EXOSC1: variants seen among roughly 807,000 people sequenced by gnomAD.
EXOSC1 encodes the protein exosome complex component CSL4.
In EXOSC1, 27 loss-of-function variants were observed where a neutral mutation model predicts 31.4. That is an observed-to-expected ratio of 0.86 (90% CI 0.63 to 1.18). The LOEUF is 1.18. Among genes scored for constraint, EXOSC1 ranks in the 50% most tolerant of loss-of-function variants. The probability of loss-of-function intolerance (pLI) is 0.00; values close to 1 mark genes in which losing one functional copy is unlikely to be tolerated. For synonymous variants in EXOSC1, 84 were observed against 89.5 expected (o/e 0.94, Z 0.35); for missense variants, 228 against 250.3 (o/e 0.91, Z 0.60).
At position 97,441,441 on chromosome 10, in the gene EXOSC1, T is replaced by G. The variant is rs569450751; in HGVS notation, c.223-182A>C. On this transcript the variant is annotated intron_variant, in intron 3 of 7. Coordinates refer to ENST00000370902, the MANE Select transcript of EXOSC1 (RefSeq NM_016046.5). ...ACATGTAAAGAGGAATAAGAGCCAC[T>G]CTGGCCACCTGGTAGAGTTACTATG... Among the ~76,000 whole-genome samples, 15 of 151,732 alleles carry G rather than the reference T, an allele frequency of 9.9e-5. No homozygotes were observed. The South Asian group carries it at 2.3e-3, about 23-fold the overall frequency.
chr10:97,444,656 G>C (rs1845842886), intron 2 of EXOSC1: 3 of 152,210 alleles, frequency 2.0e-5, no homozygotes, highest in Admixed American at 2.0e-4. Flanking sequence ...AAATACTCAA[G>C]TGATATCTAT....
intron 3 of EXOSC1, 124 bp downstream of exon 3, chr10:97,443,113 C>T (rs985596673): frequency 1.5e-5 from 12 of 817,436 alleles, no homozygotes; most frequent in Non-Finnish European, 2.2e-5. Context: ...GTGTGAGCCA[C>T]TGTGCCCTGC....
At position 97,438,723 on chromosome 10, in the gene EXOSC1, A is replaced by G. The variant is rs1017998452; in HGVS notation, c.312-20T>C. 4 of 1,559,898 alleles carry G rather than the reference A, an allele frequency of 2.6e-6. No homozygotes were observed. Among genetic ancestry groups the G allele is most frequent in the Non-Finnish European group, 3.5e-6 (4 of 1,138,264 alleles). On this transcript the variant is annotated intron_variant, in intron 4 of 7. Transcript: ENST00000370902. ...TCCTTGCTATAAAAAAAGAATTAAC[A>G]GAAAGATTAATTACCTGTGAGAAAG... is the stretch of plus-strand genomic sequence containing the variant.
rs932078561 is a variant in EXOSC1, at chr10:97,445,694, G to A, written c.147+38C>T. The A allele has an allele frequency of 3.8e-6, 6 of 1,599,300 alleles. 1 individual carries two copies. In the South Asian group the frequency reaches 5.5e-5, roughly 15 times the overall value. The stretch of plus-strand genomic sequence containing the variant: ...GACTGGAACTCAAGGGCAGCCTAAG[G>A]GAAAAACAGAGGGGAGATGGCATGC... On this transcript the variant is annotated intron_variant, in intron 2 of 7. Coordinates refer to ENST00000370902, the MANE Select transcript of EXOSC1 (RefSeq NM_016046.5).
chr10:97,441,552 G>A lies in EXOSC1; in HGVS notation c.223-293C>T, dbSNP rs368289907. ...GTTGCCCAGGCTGGAGTGCAATGGCGCGATCTTGGCTCACCGCAACCTCCG... is the reference window on the plus strand; with the variant it reads ...GTTGCCCAGGCTGGAGTGCAATGGCACGATCTTGGCTCACCGCAACCTCCG... On this transcript the variant is annotated intron_variant, in intron 3 of 7. Transcript: ENST00000370902. Among the ~76,000 whole-genome samples the A allele has an allele frequency of 2.2e-4, 33 of 147,942 alleles. 1 individual carries two copies. In the East Asian group the frequency reaches 4.4e-3, roughly 20 times the overall value.
At chr10:97,442,439 T>C (rs1395731209) in intron 3 of EXOSC1, among the ~76,000 whole-genome samples, 2 of 152,194 alleles carry the variant, frequency 1.3e-5, no homozygotes, top group Non-Finnish European at 2.9e-5. Flanking sequence ...AGAAAAGTCA[T>C]GTGCTGACCA....
At chr10:97,445,114 A>C (rs572262801) in intron 2 of EXOSC1, 1 of 152,082 alleles carries the variant, frequency 6.6e-6, no homozygotes, top group Non-Finnish European at 1.5e-5. Flanking sequence ...ACACCCCACA[A>C]AACTCCTTTC....
rs760596875 is a variant in EXOSC1 at position 97,436,404 on chromosome 10, AG to A, written c.*40del. 728 of 1,437,056 alleles carry A rather than the reference AG, an allele frequency of 5.1e-4. 1 individual carries two copies. The highest frequency in any genetic ancestry group is 6.4e-4 in the Non-Finnish European group (650 of 1,021,230). The allele number at this position is 1,437,056 out of a possible 1,614,324, so 89.0% of individuals were successfully genotyped here. A position where few individuals can be genotyped will look rare whatever the true frequency, so the allele number is the denominator to read the frequency against. On this transcript the variant is annotated 3_prime_UTR_variant, in exon 8 of 8. Coordinates refer to ENST00000370902, the MANE Select transcript of EXOSC1 (RefSeq NM_016046.5). The stretch of plus-strand genomic sequence containing the variant: ...ACAGCAGCATCTTGGTGTTATACTC[AG>A]GAACAGCTTACCCCCTTCCATAGGG...
At chr10:97,441,485 GGTTTT>G (rs1218742248) in intron 3 of EXOSC1, among the ~76,000 whole-genome samples, 1 of 150,206 alleles carries the variant, frequency 6.7e-6, no homozygotes, top group Non-Finnish European at 1.5e-5. Context: ...AGGTGGTATG[GGTTTT>G]TTTTTTTTTT....
intron 3 of EXOSC1, 79 bp downstream of exon 3, chr10:97,443,157 AC>A: frequency 1.7e-6 from 2 of 1,183,508 alleles, no homozygotes; most frequent in Non-Finnish European, 2.5e-6. Flanking sequence ...TGGCTATCAT[AC>A]TGGACACTGC....
At position 97,439,727 on chromosome 10, in the gene EXOSC1, T is replaced by G. The variant is rs150654192; in HGVS notation, c.312-1024A>C. ...CCCCCTCCATGGTCTGTGGAAAAAC[T>G]GTCTTCCAAGAAACTGGTCCCTGGT... On this transcript the variant is annotated intron_variant, in intron 4 of 7. Transcript: ENST00000370902. Among the ~76,000 whole-genome samples, 156 of 152,338 alleles carry G rather than the reference T, an allele frequency of 1.0e-3. 1 individual carries two copies. The highest frequency in any genetic ancestry group is 3.7e-3 in the African/African-American group (152 of 41,580).
At position 97,437,716 on chromosome 10, in the gene EXOSC1, A is replaced by G. The variant is rs867804257; in HGVS notation, c.380T>C (p.Ile127Thr). Residue 127 changes from isoleucine (I) to threonine (T), a missense_variant, in exon 6 of 8, where the codon ATT becomes ACT. By Grantham distance (89) the Ile-to-Thr change is moderately conservative (BLOSUM62 -1). Coordinates refer to ENST00000370902, the MANE Select transcript of EXOSC1 (RefSeq NM_016046.5). ...AAAGGATACCACTTTGGCCAAGACA[A>G]TGTCACCTGGGCGGAAACTCTTATA... Reference protein sequence around the residue: ...EIYKSFRPGDIVLAKVISLGD... With the variant: ...EIYKSFRPGDTVLAKVISLGD... 16 of 1,613,300 alleles carry G rather than the reference A, an allele frequency of 9.9e-6. No homozygotes were observed. Among genetic ancestry groups the G allele is most frequent in the Non-Finnish European group, 1.3e-5 (15 of 1,179,544 alleles).
chr10:97,442,487 T>C (rs1296538038), intron 3 of EXOSC1, among the ~76,000 whole-genome samples: 1 of 152,208 alleles, frequency 6.6e-6, no homozygotes, highest in African/African-American at 2.4e-5. Context: ...TATTGAGTAC[T>C]TGAAATGTGG....
intron 4 of EXOSC1, chr10:97,440,931 C>T (rs969855063): frequency 2.1e-5 from 7 of 327,044 alleles, no homozygotes; most frequent in Non-Finnish European, 3.4e-5. Context: ...GGATAACAGG[C>T]GTGAGCCACC....
rs957127403 is a variant in EXOSC1, at chr10:97,439,970, CTTTTTTTT to C, written c.311+1193_311+1200del. Among the ~76,000 whole-genome samples, 6 of 139,654 alleles carry C rather than the reference CTTTTTTTT, an allele frequency of 4.3e-5. No homozygotes were observed. The East Asian group carries it at 1.2e-3, about 29-fold the overall frequency. The allele number at this position is 139,654 out of a possible 152,430, so 91.6% of individuals were successfully genotyped here. ...AAAGTGCTTCCTAAAATGCCTTCTA[CTTTTTTTT>C]TTTTTTTTTTTGAGACGGAGTTTCA... On this transcript the variant is annotated intron_variant, in intron 4 of 7. Transcript: ENST00000370902.
rs1488764880 is a variant in EXOSC1, at chr10:97,445,770, G to A, written c.109C>T (p.Leu37Phe). The A allele has an allele frequency of 1.9e-6, 3 of 1,613,794 alleles. No homozygotes were observed. In the African/African-American group the frequency reaches 4.0e-5, roughly 22 times the overall value. Residue 37 changes from leucine (L) to phenylalanine (F), a missense_variant, in exon 2 of 8, where the codon CTT becomes TTT. By Grantham distance (22) the Leu-to-Phe change is conservative. Coordinates refer to ENST00000370902, the MANE Select transcript of EXOSC1 (RefSeq NM_016046.5). ...CTGCTCTTCATCAGACAGCCGGCAA[G>A]CGACGAAAAGATGTAGCCGTGGCGG... ...YTRHGYIFSS[L>F]AGCLMKSSEN...
chr10:97,440,816 T>C (rs575607464), intron 4 of EXOSC1: 52 of 172,036 alleles, frequency 3.0e-4, no homozygotes, highest in Admixed American at 8.5e-4. Flanking sequence ...TGTGCCTGGC[T>C]AATTTTTGTA....
chr10:97,445,882 C>A, intron 1 of EXOSC1, 35 bp from the exon 2 acceptor site: 1 of 1,613,796 alleles, frequency 6.2e-7, no homozygotes, highest in African/African-American at 1.3e-5. Context: ...CACGGGCCCC[C>A]AGAAGCTGTA....
chr10:97,436,585 C>A, intron 7 of EXOSC1, 34 bp from the exon 8 acceptor site: 1 of 1,552,752 alleles, frequency 6.4e-7, no homozygotes, highest in Non-Finnish European at 8.6e-7. Context: ...GAGCCCAGAC[C>A]CCAAAGATTT....
Sources: gnomAD v4.1 joint callset for allele counts (sites outside exome capture counted in the v4.1 genomes callset) on GRCh38, gnomAD v4.1.1 for gene constraint, MANE v1.5 for transcripts, NCBI Gene and HGNC (gene_info 2026-07-23, HGNC 2026-07-21) for gene names.